Variants in CACNA1D observed in about 807,000 individuals in gnomAD.
CACNA1D encodes calcium voltage-gated channel subunit alpha1 D.
Under a neutral mutation model 257.1 loss-of-function variants are expected in CACNA1D, and 55 were observed. The ratio of observed to expected loss-of-function variants is 0.21; its 90% CI spans 0.17 to 0.27. The LOEUF is 0.27. Ranked by LOEUF, CACNA1D falls within the 10% of genes least tolerant of loss-of-function variation. The pLI is 1.00. For synonymous variants in CACNA1D, 980 were observed against 1,014.9 expected (o/e 0.97, Z 0.65); for missense variants, 1,876 against 2,784.0 (o/e 0.67, Z 7.34).
intron 3 of CACNA1D, among the ~76,000 whole-genome samples, chr3:53,584,751 G>A (rs2093186100): frequency 6.6e-6 from 1 of 152,216 alleles, no homozygotes; most frequent in Admixed American, 6.5e-5. Flanking sequence ...GTGGATTGCT[G>A]CAGCTGTCGT....
At chr3:53,681,920 G>A (rs975968619) in intron 8 of CACNA1D, among the ~76,000 whole-genome samples, 1 of 152,100 alleles carries the variant, frequency 6.6e-6, no homozygotes, top group Non-Finnish European at 1.5e-5. Flanking sequence ...CAGTAGGAAG[G>A]AGCAGAGGAT....
At chr3:53,519,529 G>A (rs927931276) in intron 3 of CACNA1D, among the ~76,000 whole-genome samples, 4 of 152,058 alleles carry the variant, frequency 2.6e-5, no homozygotes, top group African/African-American at 4.8e-5. Flanking sequence ...AATCAGCACT[G>A]GTCACTGGCA....
chr3:53,770,079 G>C, intron 31 of CACNA1D, 62 bp downstream of exon 31: 1 of 1,343,706 alleles, frequency 7.4e-7, no homozygotes, highest in Non-Finnish European at 1.1e-6. Flanking sequence ...TGACCATGTC[G>C]AGTTTTCCAC....
At chr3:53,498,689 A>G (rs1271916483) in intron 2 of CACNA1D, among the ~76,000 whole-genome samples, 3 of 152,164 alleles carry the variant, frequency 2.0e-5, no homozygotes, top group Non-Finnish European at 2.9e-5. Context: ...TAATTTGAGG[A>G]TCTAGCTCGG....
chr3:53,625,417 T>G (rs538628774), intron 3 of CACNA1D, among the ~76,000 whole-genome samples: 1 of 152,206 alleles, frequency 6.6e-6, no homozygotes, highest in East Asian at 1.9e-4. Flanking sequence ...GCAGCCTGCA[T>G]CATGCCTCTT....
Position 53,770,519 on chromosome 3 carries a change from G to T in CACNA1D, c.4011G>T (p.Arg1337=), listed in dbSNP as rs2095360641. 6.2e-7 allele frequency: 1 copy of T among 1,613,986 alleles called. No individual in the cohort carries two copies. The highest frequency in any genetic ancestry group is 1.3e-5 in the African/African-American group (1 of 75,042). Residue 1337 remains arginine, a synonymous_variant, in exon 32 of 48, where the codon CGG becomes CGT. Transcript: ENST00000350061. The part of the protein sequence containing the change: ...VKLLSRGEGI[R]TLLWTFIKSF... ...TTCTCAGCAGGGGGGAAGGCATCCG[G>T]ACATTGCTGTGGACTTTTATTAAGT...
chr3:53,805,651 C>A (rs1454958474), intron 45 of CACNA1D, among the ~76,000 whole-genome samples: 4 of 152,068 alleles, frequency 2.6e-5, no homozygotes, highest in Admixed American at 6.5e-5. Context: ...CATCTGTCCT[C>A]AGGCCCCTCC....
intron 46 of CACNA1D, 183 bp downstream of exon 46, chr3:53,808,953 A>C (rs1191841289): frequency 1.7e-5 from 11 of 651,814 alleles, no homozygotes; most frequent in Non-Finnish European, 2.8e-5. Context: ...CATGCTGCCC[A>C]AGCTCACACA....
At position 53,723,946 on chromosome 3, in the gene CACNA1D, A is replaced by T. The variant is rs2094906476; in HGVS notation, c.2047A>T (p.Thr683Ser). The change falls in exon 14 of 48, where the codon ACC becomes TCC. Residue 683 changes from threonine (T) to serine (S), a missense_variant. By Grantham distance (58) the Thr-to-Ser change is moderately conservative. This residue lies in a region of CACNA1D where 257 missense variants were observed against 399.7 expected (regional missense o/e 0.64). Transcript: ENST00000350061. This position sits in a 1 kb window ranked among gnomAD's most constrained non-coding sequence, Gnocchi z 5.6. ...GGKFNFDETQ[T>S]KRSTFDNFPQ... is the part of the protein sequence containing the mutation. ...CAAGTTTAATTTTGATGAAACGCAA[A>T]CCAAGCGGAGCACCTTTGACAATTT... The T allele has an allele frequency of 1.2e-6, 2 of 1,614,154 alleles. No homozygotes were observed. The highest frequency in any genetic ancestry group is 1.7e-6 in the Non-Finnish European group (2 of 1,180,034).
chr3:53,731,268 G>C, intron 17 of CACNA1D, 122 bp downstream of exon 17: 1 of 752,144 alleles, frequency 1.3e-6, no homozygotes. Flanking sequence ...TTGGTGTGAA[G>C]AATATGGCAC....
Position 53,724,136 on chromosome 3 carries a change from AT to A in CACNA1D, c.2100+141del, listed in dbSNP as rs906888080. 3.2e-4 allele frequency: 239 copies of A among 742,098 alleles called. 1 individual carries two copies. Among genetic ancestry groups the A allele is most frequent in the Non-Finnish European group, 3.0e-4 (125 of 417,398 alleles). 46.0% of individuals were successfully genotyped at this position (742,098 alleles called of 1,614,324 possible). A position where few individuals can be genotyped will look rare whatever the true frequency, so the allele number is the denominator to read the frequency against. On this transcript the variant is annotated intron_variant, in intron 14 of 47. Coordinates refer to ENST00000350061, the MANE Select transcript of CACNA1D (RefSeq NM_001128840.3). The stretch of plus-strand genomic sequence containing the variant: ...CTCTGCCCTAATCATAGCCTGGTAA[AT>A]TTTGTGCCATTTAAGTTATTCGTTC...
rs932132913 is a variant in CACNA1D, at chr3:53,563,289, C to T, written c.483+61569C>T. ...CCGTAATGCCAGCACTGTGGGAGGC[C>T]AAGGCGGATGGATCACCTGAGGTCA... is the stretch of plus-strand genomic sequence containing the variant. On this transcript the variant is annotated intron_variant, in intron 3 of 47. Coordinates refer to ENST00000350061, the MANE Select transcript of CACNA1D (RefSeq NM_001128840.3). Among the ~76,000 whole-genome samples, 14 of 152,204 alleles carry T rather than the reference C, an allele frequency of 9.2e-5. No homozygotes were observed. The East Asian group carries it at 1.5e-3, about 17-fold the overall frequency.
intron 3 of CACNA1D, among the ~76,000 whole-genome samples, chr3:53,628,116 C>T (rs1037337026): frequency 5.3e-5 from 8 of 152,190 alleles, no homozygotes; most frequent in Non-Finnish European, 8.8e-5. Flanking sequence ...TAACAGGAAG[C>T]AGTCACCCAA....
intron 44 of CACNA1D, 88 bp from the exon 45 acceptor site, chr3:53,804,894 CG>C (rs2095554244): frequency 3.3e-6 from 4 of 1,209,560 alleles, no homozygotes; most frequent in Non-Finnish European, 3.7e-6. Context: ...AGGGAGGAGG[CG>C]GGGAGAGGAG....
At chr3:53,536,644 C>T (rs974597406) in intron 3 of CACNA1D, among the ~76,000 whole-genome samples, 8 of 152,316 alleles carry the variant, frequency 5.3e-5, no homozygotes, top group Non-Finnish European at 8.8e-5. Context: ...TGGTGTTTTA[C>T]ATTTTTTAAT....
chr3:53,556,848 T>TG (rs975960629), intron 3 of CACNA1D, among the ~76,000 whole-genome samples: 1 of 152,196 alleles, frequency 6.6e-6, no homozygotes, highest in African/African-American at 2.4e-5. Context: ...CCTGAGTAGC[T>TG]GGGGCTACAG....
intron 3 of CACNA1D, among the ~76,000 whole-genome samples, chr3:53,610,721 C>A (rs946350059): frequency 1.3e-5 from 2 of 152,100 alleles, no homozygotes; most frequent in Admixed American, 6.5e-5. Context: ...TTTCTGCCTT[C>A]TTTTAGTATA....
intron 38 of CACNA1D, 123 bp downstream of exon 38, chr3:53,780,251 G>A (rs1160106851): frequency 2.6e-6 from 2 of 777,846 alleles, no homozygotes; most frequent in Admixed American, 1.9e-5. Context: ...GGGCTGGCAA[G>A]TAGAATGAAG....
chr3:53,628,242 T>C (rs1288793577), intron 3 of CACNA1D, among the ~76,000 whole-genome samples: 3 of 152,180 alleles, frequency 2.0e-5, no homozygotes, highest in Non-Finnish European at 2.9e-5. Context: ...TGTGTTGTCT[T>C]TCTGTGCTTT....
Sources: allele counts gnomAD v4.1 joint callset (sites outside exome capture counted in the v4.1 genomes callset), GRCh38; gene constraint gnomAD v4.1.1; regional missense constraint gnomAD v4.1.1; non-coding constraint Gnocchi (gnomAD v3.1); transcripts MANE v1.5; gene names NCBI Gene and HGNC (gene_info 2026-07-23, HGNC 2026-07-21).